Variants in AGBL1 observed in about 807,000 individuals in gnomAD.
The protein encoded by AGBL1 is AGBL carboxypeptidase 1, also known as cytosolic carboxypeptidase 4.
A neutral mutation model predicts 118.9 loss-of-function variants in AGBL1; 130 were observed. The ratio of observed to expected loss-of-function variants is 1.09; its 90% CI spans 0.95 to 1.26. The LOEUF is 1.26. AGBL1 is among the 50% of genes most tolerant of loss of function. AGBL1 has a pLI of 0.00. For synonymous variants in AGBL1, 555 were observed against 478.9 expected (o/e 1.16, Z -2.08); for missense variants, 1,584 against 1,298.1 (o/e 1.22, Z -3.38).
intron 18 of AGBL1, among the ~76,000 whole-genome samples, chr15:86,508,551 T>C (rs1009050402): frequency 1.6e-5 from 2 of 122,218 alleles, no homozygotes; most frequent in Non-Finnish European, 3.8e-5. Flanking sequence ...TCTTCAAATA[T>C]AAAACAGGAT....
intron 17 of AGBL1, among the ~76,000 whole-genome samples, chr15:86,383,276 T>TA: frequency 4.5e-5 from 2 of 44,468 alleles, no homozygotes; most frequent in East Asian, 8.4e-3. Flanking sequence ...AAAAAAAAAA[T>TA]CCTAATTGCT....
intron 24 of AGBL1, among the ~76,000 whole-genome samples, chr15:87,018,386 G>C (rs1333551498): frequency 6.6e-6 from 1 of 152,058 alleles, no homozygotes; most frequent in Admixed American, 6.5e-5. Flanking sequence ...CACCTACAAA[G>C]GGAAGCCCAT....
At chr15:86,153,094 A>T (rs1051748653) in intron 3 of AGBL1, among the ~76,000 whole-genome samples, 5 of 152,330 alleles carry the variant, frequency 3.3e-5, no homozygotes, top group African/African-American at 1.2e-4. Context: ...ATTGTGGAAG[A>T]CAGTGTGGTG....
chr15:86,343,068 T>C (rs990512723), intron 17 of AGBL1, among the ~76,000 whole-genome samples: 9 of 151,984 alleles, frequency 5.9e-5, no homozygotes, highest in Non-Finnish European at 1.2e-4. Flanking sequence ...AGGATAAAGG[T>C]GGGTTTTTAC....
chr15:87,015,424 G>C (rs1167148033), intron 24 of AGBL1, among the ~76,000 whole-genome samples: 2 of 151,692 alleles, frequency 1.3e-5, no homozygotes, highest in Non-Finnish European at 2.9e-5. Context: ...TGTCCTATTG[G>C]CTCCTTCTCT....
chr15:86,826,036 CA>C (rs138590239), intron 22 of AGBL1, among the ~76,000 whole-genome samples: 22 of 149,040 alleles, frequency 1.5e-4, no homozygotes, highest in Admixed American at 8.0e-4. Context: ...TAACTTCTTG[CA>C]AAAAAAAAAT....
chr15:86,325,454 T>C (rs1045048945), intron 17 of AGBL1, among the ~76,000 whole-genome samples: 1 of 152,158 alleles, frequency 6.6e-6, no homozygotes, highest in East Asian at 1.9e-4. Context: ...GCAGTTCTAT[T>C]TGGAGCTTAT....
intron 22 of AGBL1, among the ~76,000 whole-genome samples, chr15:86,710,005 C>T (rs987698360): frequency 1.3e-5 from 2 of 152,080 alleles, no homozygotes; most frequent in Non-Finnish European, 2.9e-5. Flanking sequence ...GAGCAATATG[C>T]ATAGCTGGTT....
intron 21 of AGBL1, among the ~76,000 whole-genome samples, chr15:86,642,955 T>A (rs2447254): frequency 6.6e-6 from 1 of 152,092 alleles, no homozygotes; most frequent in South Asian, 2.1e-4. Flanking sequence ...GGATGGTAAA[T>A]AGGTAGAGCG....
intron 23 of AGBL1, among the ~76,000 whole-genome samples, chr15:86,941,840 A>G (rs924650607): frequency 6.6e-6 from 1 of 152,232 alleles, no homozygotes; most frequent in Non-Finnish European, 1.5e-5. Context: ...CCCAGGGAAC[A>G]TGCCAGAAGC....
chr15:86,870,454 C>CAAAAAAAAAAAAAAAAA lies in AGBL1; in HGVS notation c.3159-36607_3159-36591dup, dbSNP rs770556494. Reference sequence around the variant, plus strand: ...GGCAAGAAAAAAGTAAAGCATACTGCAAAAAAAAAAAAAAAAAAAAAAAAA... The same window carrying CAAAAAAAAAAAAAAAAA: ...GGCAAGAAAAAAGTAAAGCATACTGCAAAAAAAAAAAAAAAAAAAAAAAAAAAAAAAAAAAAAAAAAA... On this transcript the variant is annotated intron_variant, in intron 22 of 22. Transcript: ENST00000614907. Among the ~76,000 whole-genome samples the CAAAAAAAAAAAAAAAAA allele has an allele frequency of 1.4e-3, 92 of 64,104 alleles. 8 individuals carry two copies. The highest frequency in any genetic ancestry group is 1.9e-3 in the Non-Finnish European group (68 of 36,182). The allele number at this position is 64,104 out of a possible 152,430, so 42.1% of individuals were successfully genotyped here. A position where few individuals can be genotyped will look rare whatever the true frequency, so the allele number is the denominator to read the frequency against.
At chr15:86,805,245 A>G (rs2078700322) in intron 22 of AGBL1, among the ~76,000 whole-genome samples, 1 of 151,902 alleles carries the variant, frequency 6.6e-6, no homozygotes, top group African/African-American at 2.4e-5. Context: ...GGAGCATCAG[A>G]CAAATAGACC....
intron 17 of AGBL1, among the ~76,000 whole-genome samples, chr15:86,351,311 A>T (rs1006075029): frequency 6.6e-6 from 1 of 152,176 alleles, no homozygotes; most frequent in Non-Finnish European, 1.5e-5. Context: ...TCCATTAATG[A>T]GGGCAAAGTC....
intron 21 of AGBL1, among the ~76,000 whole-genome samples, chr15:86,585,211 T>G (rs1432008087): frequency 6.6e-6 from 1 of 152,030 alleles, no homozygotes; most frequent in African/African-American, 2.4e-5. Flanking sequence ...TAGTACTTCC[T>G]CAGAACTGGA....
At chr15:86,741,854 G>A (rs2077684809) in intron 22 of AGBL1, among the ~76,000 whole-genome samples, 1 of 152,026 alleles carries the variant, frequency 6.6e-6, no homozygotes, top group Admixed American at 6.6e-5. Flanking sequence ...GTTATTTTAA[G>A]AATTCATACA....
At chr15:86,428,776 A>G (rs1179054071) in intron 18 of AGBL1, among the ~76,000 whole-genome samples, 2 of 152,258 alleles carry the variant, frequency 1.3e-5, no homozygotes, top group Non-Finnish European at 2.9e-5. Context: ...ATAAATTAGG[A>G]ATAAACTGAG....
chr15:86,803,008 G>T (rs918829985), intron 22 of AGBL1, among the ~76,000 whole-genome samples: 3 of 152,102 alleles, frequency 2.0e-5, no homozygotes, highest in Non-Finnish European at 4.4e-5. Context: ...AAAAATCAGA[G>T]AAATTTTCCT....
chr15:86,603,928 C>T (rs919715654), intron 21 of AGBL1, among the ~76,000 whole-genome samples: 1 of 152,038 alleles, frequency 6.6e-6, no homozygotes, highest in Non-Finnish European at 1.5e-5. Flanking sequence ...ACAGATTGTC[C>T]CTCAGAGATT....
At chr15:86,878,525 C>T (rs761214281) in intron 22 of AGBL1, among the ~76,000 whole-genome samples, 12 of 152,154 alleles carry the variant, frequency 7.9e-5, no homozygotes, top group Non-Finnish European at 1.5e-4. Flanking sequence ...CTCGGTACTT[C>T]TATTTTCCTC....
Sources: gnomAD v4.1 joint callset for allele counts (sites outside exome capture counted in the v4.1 genomes callset) on GRCh38, gnomAD v4.1.1 for gene constraint, MANE v1.5 for transcripts, NCBI Gene and HGNC (gene_info 2026-07-23, HGNC 2026-07-21) for gene names.